Variants in ROBO2 observed in about 807,000 individuals in gnomAD.
ROBO2 encodes roundabout homolog 2.
ROBO2 carries 53 observed loss-of-function variants against 160.8 expected under a neutral mutation model. The ratio of observed to expected loss-of-function variants is 0.33; its 90% CI spans 0.26 to 0.41. The LOEUF (loss-of-function observed/expected upper bound fraction) is 0.41, where lower values mean the gene tolerates loss of function less well. Among genes scored for constraint, ROBO2 ranks in the 10% least tolerant of loss-of-function variants. ROBO2 has a pLI of 1.00. For missense variants in ROBO2, 1,577 were observed against 1,722.4 expected, an observed-to-expected ratio of 0.92 and a Z score of 1.49; for synonymous variants, 664 against 611.7, an observed-to-expected ratio of 1.09 and a Z score of -1.26.
intron 2 of ROBO2, among the ~76,000 whole-genome samples, chr3:76,790,160 G>C (rs1163938368): frequency 6.6e-6 from 1 of 151,590 alleles, no homozygotes; most frequent in African/African-American, 2.4e-5. Context: ...CCAGTCTGAA[G>C]ATTAATTTAT....
At chr3:76,930,619 G>C (rs116516214) in intron 2 of ROBO2, among the ~76,000 whole-genome samples, 5,754 of 152,204 alleles carry the variant, frequency 0.038, 350 homozygotes, top group African/African-American at 0.13. Flanking sequence ...CTTGATCAAG[G>C]AGGCTAAGTA....
At chr3:75,972,837 C>T (rs2065034525) in intron 2 of ROBO2, among the ~76,000 whole-genome samples, 1 of 151,548 alleles carries the variant, frequency 6.6e-6, no homozygotes, top group Non-Finnish European at 1.5e-5. Flanking sequence ...ACCTAAGTCC[C>T]TCTAAGGCAG....
At chr3:76,697,058 G>A (rs944810718) in intron 2 of ROBO2, among the ~76,000 whole-genome samples, 2 of 152,120 alleles carry the variant, frequency 1.3e-5, no homozygotes, top group African/African-American at 4.8e-5. Flanking sequence ...AGGGCTACAT[G>A]TTTATCAGAC....
At chr3:77,540,073 T>C (rs990542348) in intron 6 of ROBO2, among the ~76,000 whole-genome samples, 1 of 152,152 alleles carries the variant, frequency 6.6e-6, no homozygotes, top group African/African-American at 2.4e-5. Context: ...TTTGCAAGCA[T>C]TGCTATGGTA....
chr3:76,778,916 T>C (rs912688750), intron 2 of ROBO2, among the ~76,000 whole-genome samples: 1 of 151,106 alleles, frequency 6.6e-6, no homozygotes, highest in Admixed American at 6.6e-5. Flanking sequence ...GCCTATCAAA[T>C]TGTCACTGCA....
At chr3:77,205,757 G>A (rs2083374488) in intron 2 of ROBO2, among the ~76,000 whole-genome samples, 1 of 151,996 alleles carries the variant, frequency 6.6e-6, no homozygotes, top group Non-Finnish European at 1.5e-5. Context: ...TAATACTGCC[G>A]ATTATATTTC....
intron 2 of ROBO2, among the ~76,000 whole-genome samples, chr3:76,738,425 C>T (rs144647141): frequency 5.3e-5 from 8 of 152,222 alleles, no homozygotes; most frequent in East Asian, 1.9e-4. Flanking sequence ...TTCTGAGCAC[C>T]GTAGGATGCT....
chr3:76,032,750 A>G (rs1167794554), intron 2 of ROBO2, among the ~76,000 whole-genome samples: 1 of 152,096 alleles, frequency 6.6e-6, no homozygotes, highest in Non-Finnish European at 1.5e-5. Flanking sequence ...GTTCTTTTAC[A>G]TTTGCTGAGG....
At chr3:76,108,722 A>T (rs2070069276) in intron 2 of ROBO2, among the ~76,000 whole-genome samples, 1 of 151,458 alleles carries the variant, frequency 6.6e-6, no homozygotes, top group Admixed American at 6.6e-5. Flanking sequence ...TTCATTGAAC[A>T]CAAATTACTA....
At chr3:76,930,902 T>C (rs142243379) in intron 2 of ROBO2, among the ~76,000 whole-genome samples, 1 of 152,358 alleles carries the variant, frequency 6.6e-6, no homozygotes, top group East Asian at 1.9e-4. Flanking sequence ...AGAAGCACTC[T>C]CACAGACACA....
intron 2 of ROBO2, chr3:76,435,318 C>T (rs1458388212): frequency 1.1e-5 from 9 of 846,112 alleles, no homozygotes; most frequent in Admixed American, 1.7e-5. Context: ...GATGAACACC[C>T]TCATTCCTAC....
intron 2 of ROBO2, among the ~76,000 whole-genome samples, chr3:76,112,855 C>T (rs1050240758): frequency 6.6e-6 from 1 of 151,908 alleles, no homozygotes; most frequent in African/African-American, 2.4e-5. Context: ...TTTGATTTAG[C>T]AGGCAAAATC....
chr3:76,185,294 C>T (rs2107136342), intron 2 of ROBO2, among the ~76,000 whole-genome samples: 1 of 146,018 alleles, frequency 6.8e-6, no homozygotes, highest in South Asian at 2.2e-4. Context: ...ACATTATTTA[C>T]TGTTTTTATA....
At chr3:77,179,832 G>C (rs1240377219) in intron 2 of ROBO2, among the ~76,000 whole-genome samples, 1 of 152,222 alleles carries the variant, frequency 6.6e-6, no homozygotes, top group East Asian at 1.9e-4. Flanking sequence ...CTAGGGTGCG[G>C]TTAAACTGTC....
chr3:77,092,322 A>G (rs1445319060), intron 1 of ROBO2, among the ~76,000 whole-genome samples: 2 of 151,742 alleles, frequency 1.3e-5, no homozygotes, highest in South Asian at 2.1e-4. Flanking sequence ...TGCCATGTGC[A>G]TTCTTTACTT....
intron 2 of ROBO2, among the ~76,000 whole-genome samples, chr3:76,296,994 G>A (rs1358662047): frequency 6.6e-6 from 1 of 152,160 alleles, no homozygotes; most frequent in African/African-American, 2.4e-5. Context: ...GAAAAGGGAA[G>A]GCTGAGGAGA....
intron 2 of ROBO2, among the ~76,000 whole-genome samples, chr3:76,630,691 A>C (rs560379062): frequency 1.3e-5 from 2 of 152,344 alleles, no homozygotes; most frequent in East Asian, 3.9e-4. Context: ...ATTGACAAAG[A>C]TTAAAAAATT....
At chr3:77,410,723 C>CCTCCTCTTCCTCA (rs2076714658) in intron 2 of ROBO2, among the ~76,000 whole-genome samples, 1 of 135,782 alleles carries the variant, frequency 7.4e-6, no homozygotes, top group African/African-American at 2.6e-5. Context: ...CCTCTTCCTC[C>CCTCCTCTTCCTCA]TCCTCCTCTT....
chr3:77,604,117 T>A (rs1278038521), intron 20 of ROBO2: 4 of 152,148 alleles, frequency 2.6e-5, no homozygotes, highest in Non-Finnish European at 5.9e-5. Flanking sequence ...CCCTCTTCCC[T>A]TCAAAATGGG....
Sources: allele counts gnomAD v4.1 joint callset (sites outside exome capture counted in the v4.1 genomes callset), GRCh38; gene constraint gnomAD v4.1.1; transcripts MANE v1.5; gene names NCBI Gene and HGNC (gene_info 2026-07-23, HGNC 2026-07-21).